The following PAM variants were observed in gnomAD, a reference collection of about 807,000 sequenced individuals.
PAM encodes the protein peptidylglycine alpha-amidating monooxygenase.
A neutral mutation model predicts 122.1 loss-of-function variants in PAM; 72 were observed. That is an observed-to-expected ratio of 0.59 (90% CI 0.49 to 0.72). PAM has a LOEUF of 0.72. Among genes scored for constraint, PAM ranks in the 30% least tolerant of loss-of-function variants. The pLI is 0.00. For missense variants in PAM, 1,106 were observed against 1,183.7 expected, an observed-to-expected ratio of 0.93 and a Z score of 0.96; for synonymous variants, 389 against 404.4, an observed-to-expected ratio of 0.96 and a Z score of 0.46.
Position 103,006,818 on chromosome 5 carries a change from A to G in PAM, c.1821A>G (p.Pro607=). 1 of 1,613,108 alleles carries G rather than the reference A, an allele frequency of 6.2e-7. No individual in the cohort carries two copies. The highest frequency in any genetic ancestry group is 8.5e-7 in the Non-Finnish European group (1 of 1,179,362). The change falls in exon 19 of 26, where the codon CCA becomes CCG. Residue 607 remains proline (P), a synonymous_variant. Transcript: ENST00000438793. ...TTAAAAAGGTGTTCAAACTGGATCC[A>G]AACAATAAAGAAGGCCCTGTATTAA... ...VALHQVFKLD[P]NNKEGPVLIL...
chr5:102,986,165 G>A (rs1021910191), intron 15 of PAM, among the ~76,000 whole-genome samples: 14 of 152,274 alleles, frequency 9.2e-5, no homozygotes, highest in African/African-American at 3.4e-4. Context: ...CCTTTAAGAA[G>A]TGGAATAAGA....
chr5:102,790,624 C>T (rs1308528441), intron 1 of PAM, among the ~76,000 whole-genome samples: 1 of 151,992 alleles, frequency 6.6e-6, no homozygotes, highest in Non-Finnish European at 1.5e-5. Flanking sequence ...GGTAGAGAAG[C>T]GATGCCTCTC....
intron 1 of PAM, among the ~76,000 whole-genome samples, chr5:102,854,391 G>A (rs1241693788): frequency 6.6e-6 from 1 of 151,990 alleles, no homozygotes; most frequent in East Asian, 1.9e-4. Flanking sequence ...GGTTTAAATT[G>A]GCAAATGCTG....
At chr5:102,864,555 C>T (rs1242004295) in intron 1 of PAM, 1 of 152,116 alleles carries the variant, frequency 6.6e-6, no homozygotes, top group Non-Finnish European at 1.5e-5. Flanking sequence ...TGAAGAATCT[C>T]ACTTCATTTA....
chr5:102,949,398 G>A, intron 9 of PAM, 139 bp from the exon 10 acceptor site: 1 of 668,122 alleles, frequency 1.5e-6, no homozygotes, highest in South Asian at 1.7e-5. Context: ...CAGAATAAGT[G>A]CTTAATATCT....
At chr5:102,773,941 C>G (rs1266534203) in intron 1 of PAM, among the ~76,000 whole-genome samples, 2 of 152,046 alleles carry the variant, frequency 1.3e-5, no homozygotes, top group East Asian at 3.9e-4. Flanking sequence ...TCATTTAGCC[C>G]CCACTTATAA....
intron 1 of PAM, among the ~76,000 whole-genome samples, chr5:102,790,248 A>G (rs1043391493): frequency 2.6e-5 from 4 of 152,090 alleles, no homozygotes; most frequent in African/African-American, 9.7e-5. Flanking sequence ...GACATAGGAG[A>G]TTATGGAAAC....
intron 1 of PAM, among the ~76,000 whole-genome samples, chr5:102,785,821 A>G (rs1760363436): frequency 6.6e-6 from 1 of 152,092 alleles, no homozygotes; most frequent in Non-Finnish European, 1.5e-5. Context: ...ACAAATGGGG[A>G]GTAAGGAGTG....
intron 1 of PAM, among the ~76,000 whole-genome samples, chr5:102,763,536 G>A (rs1196197624): frequency 1.3e-5 from 2 of 152,180 alleles, no homozygotes; most frequent in Admixed American, 1.3e-4. Flanking sequence ...TATAATTACA[G>A]GCAGAGGTAA....
At chr5:102,874,254 A>T (rs1788436520) in intron 3 of PAM, among the ~76,000 whole-genome samples, 1 of 152,126 alleles carries the variant, frequency 6.6e-6, no homozygotes, top group South Asian at 2.1e-4. Flanking sequence ...CTCAGATTAG[A>T]TCTATTTGTA....
intron 21 of PAM, among the ~76,000 whole-genome samples, chr5:103,015,568 A>C (rs1481779549): frequency 1.3e-5 from 2 of 152,182 alleles, no homozygotes; most frequent in Non-Finnish European, 2.9e-5. Context: ...AAATGACACA[A>C]AGCACTAGAA....
chr5:102,924,930 A>G (rs371195536), intron 5 of PAM, 27 bp from the exon 6 acceptor site: 16 of 1,187,694 alleles, frequency 1.3e-5, no homozygotes, highest in Non-Finnish European at 2.0e-5. Context: ...TTAAATCTTC[A>G]TTTATACTAC....
At chr5:102,856,966 C>CA (rs1782802705) in intron 1 of PAM, among the ~76,000 whole-genome samples, 1 of 151,810 alleles carries the variant, frequency 6.6e-6, no homozygotes. Context: ...ACAACAACAA[C>CA]AAAAAACAGC....
chr5:102,891,361 G>T (rs1326886244), intron 3 of PAM, among the ~76,000 whole-genome samples: 1 of 151,828 alleles, frequency 6.6e-6, no homozygotes, highest in Admixed American at 6.6e-5. Context: ...GCCAAAGAAT[G>T]TTTTTATATT....
At chr5:102,952,410 A>G (rs1759245101) in intron 12 of PAM, among the ~76,000 whole-genome samples, 1 of 152,150 alleles carries the variant, frequency 6.6e-6, no homozygotes, top group African/African-American at 2.4e-5. Context: ...CTTTAAAATA[A>G]TACCCTAAAA....
chr5:102,961,487 TTATG>T (rs1393136624), intron 14 of PAM, among the ~76,000 whole-genome samples: 1 of 151,956 alleles, frequency 6.6e-6, no homozygotes, highest in African/African-American at 2.4e-5. Flanking sequence ...ATTATAATTT[TTATG>T]TATAGTACAA....
At chr5:102,879,152 G>A (rs1368555321) in intron 3 of PAM, among the ~76,000 whole-genome samples, 4 of 152,000 alleles carry the variant, frequency 2.6e-5, no homozygotes, top group East Asian at 1.9e-4. Flanking sequence ...GGATGGTCTC[G>A]ATCTCCTGAC....
At position 102,792,349 on chromosome 5, in the gene PAM, C is replaced by T. The variant is rs563197746; in HGVS notation, c.-374+37001C>T. On this transcript the variant is annotated intron_variant, in intron 1 of 25. Coordinates refer to ENST00000438793, the MANE Select transcript of PAM (RefSeq NM_001177306.2). Reference sequence around the variant, plus strand: ...TGCTCTCCAATCCAGTACTGATAAACGACGTGGGGAAAGACTATGGAGGTT... The same window carrying T: ...TGCTCTCCAATCCAGTACTGATAAATGACGTGGGGAAAGACTATGGAGGTT... Among the ~76,000 whole-genome samples the T allele has an allele frequency of 3.0e-4, 46 of 152,222 alleles. 1 individual carries two copies. The South Asian group carries it at 8.3e-3, about 27-fold the overall frequency.
chr5:102,883,617 A>C (rs549685518), intron 3 of PAM, among the ~76,000 whole-genome samples: 1 of 151,892 alleles, frequency 6.6e-6, no homozygotes, highest in East Asian at 1.9e-4. Context: ...TTTTGGATGA[A>C]TCTTTAGGGT....
Sources: allele counts gnomAD v4.1 joint callset (sites outside exome capture counted in the v4.1 genomes callset), GRCh38; gene constraint gnomAD v4.1.1; transcripts MANE v1.5; gene names NCBI Gene and HGNC (gene_info 2026-07-23, HGNC 2026-07-21).